KCND2: variants seen among roughly 807,000 people sequenced by gnomAD.
The protein encoded by KCND2 is potassium voltage-gated channel subfamily D member 2.
KCND2 carries 16 observed loss-of-function variants against 54.4 expected under a neutral mutation model. That is an observed-to-expected ratio of 0.29 (90% CI 0.20 to 0.45). The LOEUF is 0.45. Ranked by LOEUF, KCND2 falls within the 20% of genes least tolerant of loss-of-function variation. KCND2 has a pLI of 1.00. For missense variants in KCND2, 486 were observed against 824.2 expected (o/e 0.59, Z 5.02); for synonymous variants, 317 against 310.7 (o/e 1.02, Z -0.21).
intron 1 of KCND2, among the ~76,000 whole-genome samples, chr7:120,459,882 T>G (rs1802259693): frequency 6.6e-6 from 1 of 152,226 alleles, no homozygotes; most frequent in African/African-American, 2.4e-5. Flanking sequence ...CCAAAGTAAA[T>G]GCCAGTGTAA....
intron 1 of KCND2, among the ~76,000 whole-genome samples, chr7:120,369,364 ATTTT>A: frequency 1.3e-5 from 2 of 152,090 alleles, no homozygotes; most frequent in African/African-American, 4.8e-5. Context: ...AAAAGATACT[ATTTT>A]AATCTTCAAA....
At chr7:120,502,663 C>T (rs1315939136) in intron 1 of KCND2, among the ~76,000 whole-genome samples, 1 of 152,022 alleles carries the variant, frequency 6.6e-6, no homozygotes, top group Admixed American at 6.6e-5. Context: ...AGTATGCAAG[C>T]TAATTGCCAC....
chr7:120,596,910 G>A (rs1341952075), intron 1 of KCND2, among the ~76,000 whole-genome samples: 2 of 152,196 alleles, frequency 1.3e-5, no homozygotes, highest in East Asian at 3.8e-4. Context: ...CTAATTCTAT[G>A]TGCGAGGCAC....
At chr7:120,313,763 A>C (rs1464080672) in intron 1 of KCND2, among the ~76,000 whole-genome samples, 1 of 60,628 alleles carries the variant, frequency 1.6e-5, no homozygotes, top group Non-Finnish European at 4.6e-5. Context: ...TTTTTTGTAG[A>C]TTTAAAGAAC....
chr7:120,538,825 G>C (rs1791943696), intron 1 of KCND2, among the ~76,000 whole-genome samples: 1 of 152,108 alleles, frequency 6.6e-6, no homozygotes, highest in Non-Finnish European at 1.5e-5. Context: ...CGGTGAGAAG[G>C]GCCCTGTATT....
chr7:120,721,090 G>A (rs12540767), intron 1 of KCND2, among the ~76,000 whole-genome samples: 79 of 152,246 alleles, frequency 5.2e-4, no homozygotes, highest in African/African-American at 1.6e-3. Flanking sequence ...GAAACCTGAT[G>A]GAAATAATTT....
chr7:120,432,989 A>C (rs1335535003), intron 1 of KCND2, among the ~76,000 whole-genome samples: 1 of 151,752 alleles, frequency 6.6e-6, no homozygotes, highest in East Asian at 1.9e-4. Context: ...GGCCTTTTAC[A>C]CTCTGGCTCC....
In KCND2 at chr7:120,274,558, G is replaced by A; in HGVS notation, c.-75G>A. ...CTAGTACTTTGCTTGACTGGAGGAA[G>A]TGGGTGACTTTTGGCTGCTTCGGTG... On this transcript the variant is annotated 5_prime_UTR_variant, in exon 1 of 6. It adds an upstream start codon to the 5' untranslated region. Transcript: ENST00000331113. The A allele has an allele frequency of 6.4e-7, 1 of 1,557,474 alleles. No individual in the cohort carries two copies. The highest frequency in any genetic ancestry group is 1.1e-5 in the South Asian group (1 of 89,724).
intron 2 of KCND2, among the ~76,000 whole-genome samples, chr7:120,735,705 T>C (rs1380849920): frequency 6.6e-6 from 1 of 152,120 alleles, no homozygotes; most frequent in Non-Finnish European, 1.5e-5. Context: ...TTTTGGTATC[T>C]TTAAATATTT....
chr7:120,543,561 T>C (rs546504970), intron 1 of KCND2, among the ~76,000 whole-genome samples: 1 of 152,174 alleles, frequency 6.6e-6, no homozygotes, highest in East Asian at 1.9e-4. Context: ...TAATACAAAT[T>C]TGAATGGGTG....
intron 1 of KCND2, among the ~76,000 whole-genome samples, chr7:120,725,538 G>A (rs955947145): frequency 2.6e-5 from 4 of 152,116 alleles, no homozygotes; most frequent in Non-Finnish European, 2.9e-5. Context: ...ATCGGTACAG[G>A]CAATTTACTG....
At chr7:120,745,318 A>C (rs1459933657) in intron 4 of KCND2, among the ~76,000 whole-genome samples, 6 of 152,162 alleles carry the variant, frequency 3.9e-5, no homozygotes, top group Non-Finnish European at 7.4e-5. Flanking sequence ...CCCATGTGAA[A>C]AGATTTGCTA....
intron 1 of KCND2, among the ~76,000 whole-genome samples, chr7:120,593,517 G>A (rs1456947663): frequency 6.6e-6 from 1 of 152,058 alleles, no homozygotes; most frequent in Admixed American, 6.6e-5. Context: ...GACTATGATA[G>A]GAATGCCACC....
At chr7:120,585,598 A>G (rs1288352573) in intron 1 of KCND2, among the ~76,000 whole-genome samples, 1 of 152,150 alleles carries the variant, frequency 6.6e-6, no homozygotes, top group Admixed American at 6.5e-5. Context: ...GAGATCACAC[A>G]TTAGGTATCA....
chr7:120,529,725 A>G (rs575282959), intron 1 of KCND2, among the ~76,000 whole-genome samples: 31 of 152,270 alleles, frequency 2.0e-4, no homozygotes, highest in African/African-American at 7.0e-4. Flanking sequence ...GTGTGACCAC[A>G]ACCAGATTCA....
rs138593279 is a variant in KCND2 at position 120,571,948 on chromosome 7, A to G, written c.1116-160955A>G. On this transcript the variant is annotated intron_variant, in intron 1 of 5. Coordinates refer to ENST00000331113, the MANE Select transcript of KCND2 (RefSeq NM_012281.3). Reference sequence around the variant, plus strand: ...TAGAATGGTAAAACTAGGAATAGTGACAGACAGTGTAACAACAGTAAGCAG... The same window carrying G: ...TAGAATGGTAAAACTAGGAATAGTGGCAGACAGTGTAACAACAGTAAGCAG... Among the ~76,000 whole-genome samples the G allele has an allele frequency of 3.9e-5, 6 of 152,372 alleles. No individual in the cohort carries two copies. The East Asian group carries it at 1.2e-3, about 29-fold the overall frequency.
chr7:120,439,182 T>C (rs1348759465), intron 1 of KCND2, among the ~76,000 whole-genome samples: 1 of 152,060 alleles, frequency 6.6e-6, no homozygotes, highest in East Asian at 1.9e-4. Context: ...ATATTATATG[T>C]TCCCTGTAAG....
At chr7:120,702,224 T>C (rs1433445372) in intron 1 of KCND2, among the ~76,000 whole-genome samples, 2 of 152,072 alleles carry the variant, frequency 1.3e-5, no homozygotes, top group Non-Finnish European at 2.9e-5. Flanking sequence ...GAAATGCAAA[T>C]CAAAACCACA....
intron 1 of KCND2, among the ~76,000 whole-genome samples, chr7:120,453,272 C>T (rs1361078917): frequency 1.3e-5 from 2 of 152,198 alleles, no homozygotes; most frequent in African/African-American, 2.4e-5. Context: ...GTGCCCTCCC[C>T]CAGCTGATGT....
Sources: gnomAD v4.1 joint callset for allele counts (sites outside exome capture counted in the v4.1 genomes callset) on GRCh38, gnomAD v4.1.1 for gene constraint, MANE v1.5 for transcripts, NCBI Gene and HGNC (gene_info 2026-07-23, HGNC 2026-07-21) for gene names.